Variants in NEMP2 observed in about 807,000 individuals in gnomAD.
NEMP2 encodes nuclear envelope integral membrane protein 2.
A neutral mutation model predicts 54.2 loss-of-function variants in NEMP2; 53 were observed. That is an observed-to-expected ratio of 0.98 (90% confidence interval 0.78 to 1.23). NEMP2 has a LOEUF of 1.23. Among genes scored for constraint, NEMP2 ranks in the 50% most tolerant of loss-of-function variants. NEMP2 has a pLI of 0.00. For synonymous variants in NEMP2, 197 were observed against 190.3 expected (o/e 1.04, Z -0.29); for missense variants, 455 against 511.3 (o/e 0.89, Z 1.06).
chr2:190,502,874 A>C (rs1313562251), downstream of NEMP2, among the ~76,000 whole-genome samples: 4 of 152,190 alleles, frequency 2.6e-5, no homozygotes, highest in Non-Finnish European at 5.9e-5. The surrounding 1 kb of genome is among the most constrained non-coding windows in gnomAD (Gnocchi z 4.4). Flanking sequence ...ATTTTAAACA[A>C]GAGAATTCTG....
At chr2:190,636,488 A>G in the NEMP2 span, among the ~76,000 whole-genome samples, 2 of 152,244 alleles carry the variant, frequency 1.3e-5, no homozygotes, top group African/African-American at 4.8e-5. Context: ...CCCTCTGATT[A>G]TACAGGGGCA....
chr2:190,537,286 C>T (rs572170616), upstream of NEMP2, among the ~76,000 whole-genome samples: 12 of 152,248 alleles, frequency 7.9e-5, no homozygotes, highest in South Asian at 2.1e-4. Context: ...GAATATAGGT[C>T]GATATGGTTT....
At chr2:190,538,329 A>G (rs1574330087), upstream of NEMP2, among the ~76,000 whole-genome samples, 1 of 152,154 alleles carries the variant, frequency 6.6e-6, no homozygotes, top group East Asian at 1.9e-4. The surrounding 1 kb of genome is among the most constrained non-coding windows in gnomAD (Gnocchi z 4.1). Context: ...GCTGAATAAT[A>G]TTCCATTGTG....
the NEMP2 span, among the ~76,000 whole-genome samples, chr2:190,498,927 A>G: frequency 6.6e-6 from 1 of 152,074 alleles, no homozygotes; most frequent in Non-Finnish European, 1.5e-5. The surrounding 1 kb of genome is among the most constrained non-coding windows in gnomAD (Gnocchi z 5.9). Context: ...AGGTGGGTGG[A>G]TCACGAGGTC....
chr2:190,569,957 G>T, the NEMP2 span, among the ~76,000 whole-genome samples: 2 of 152,158 alleles, frequency 1.3e-5, no homozygotes, highest in Non-Finnish European at 2.9e-5. Flanking sequence ...ACTCATTGTG[G>T]AATGCCATCA....
At chr2:190,453,718 C>G in the NEMP2 span, among the ~76,000 whole-genome samples, 3 of 152,210 alleles carry the variant, frequency 2.0e-5, no homozygotes, top group Non-Finnish European at 1.5e-5. Flanking sequence ...CCTAGACCCT[C>G]CATTTTCCCT....
At chr2:190,630,761 T>C in the NEMP2 span, among the ~76,000 whole-genome samples, 3 of 152,224 alleles carry the variant, frequency 2.0e-5, no homozygotes, top group African/African-American at 4.8e-5. The surrounding 1 kb of genome is among the most constrained non-coding windows in gnomAD (Gnocchi z 5.5). Flanking sequence ...ATGAAGTTTA[T>C]ATACTTTATT....
chr2:190,602,653 G>A, the NEMP2 span, among the ~76,000 whole-genome samples: 1 of 152,062 alleles, frequency 6.6e-6, no homozygotes, highest in African/African-American at 2.4e-5. Context: ...CTTCTTCCTC[G>A]GTGAAGGCTG....
chr2:190,488,827 G>A, the NEMP2 span: 2 of 1,531,906 alleles, frequency 1.3e-6, no homozygotes, highest in Non-Finnish European at 1.8e-6. This position sits in a 1 kb window ranked among gnomAD's most constrained non-coding sequence, Gnocchi z 6.4. Context: ...TGGTAAGAAT[G>A]GCTTTCTCCT....
the NEMP2 span, among the ~76,000 whole-genome samples, chr2:190,621,563 T>C: frequency 6.6e-6 from 1 of 151,856 alleles, no homozygotes; most frequent in Non-Finnish European, 1.5e-5. Flanking sequence ...ATATATTCAA[T>C]GCAATACATA....
At chr2:190,601,458 C>T in the NEMP2 span, among the ~76,000 whole-genome samples, 5 of 152,258 alleles carry the variant, frequency 3.3e-5, no homozygotes, top group African/African-American at 7.2e-5. The surrounding 1 kb of genome is among the most constrained non-coding windows in gnomAD (Gnocchi z 5.8). Flanking sequence ...GGCAGGCCTA[C>T]GTTGGTCTTG....
At chr2:190,500,283 C>T (rs953700452), downstream of NEMP2, 18 of 1,559,210 alleles carry the variant, frequency 1.2e-5, no homozygotes, top group African/African-American at 1.6e-4. The surrounding 1 kb of genome is among the most constrained non-coding windows in gnomAD (Gnocchi z 5.3). Context: ...CAGGGTGAGG[C>T]CCCCCAGCCA....
chr2:190,550,978 T>G, the NEMP2 span, among the ~76,000 whole-genome samples: 2 of 152,206 alleles, frequency 1.3e-5, no homozygotes, highest in African/African-American at 4.8e-5. This position sits in a 1 kb window ranked among gnomAD's most constrained non-coding sequence, Gnocchi z 4.7. Context: ...TAGTATGTTA[T>G]TCTGTTTTCT....
At chr2:190,622,804 G>C in the NEMP2 span, among the ~76,000 whole-genome samples, 1 of 151,818 alleles carries the variant, frequency 6.6e-6, no homozygotes, top group Admixed American at 6.6e-5. Context: ...AATGGCCAAA[G>C]AATTTTATTC....
Position 190,533,627 on chromosome 2 carries a change from A to C in NEMP2, c.97+932T>G, listed in dbSNP as rs4439990. 0.17 allele frequency among the ~76,000 whole-genome samples: 26,091 copies of C among 152,134 alleles called. 2,397 individuals are homozygous for C. The highest frequency in any genetic ancestry group is 0.3 in the East Asian group (1,576 of 5,178). The stretch of plus-strand genomic sequence containing the variant: ...TCCAGTCTCTCATTCATCCTTAGAT[A>C]AAAAACCGCGGTATAACCGGAGGGA... On this transcript the variant is annotated intron_variant, in intron 1 of 8. Transcript: ENST00000409150. The surrounding 1 kb of genome is among the most constrained non-coding windows in gnomAD (Gnocchi z 4.3).
the NEMP2 span, among the ~76,000 whole-genome samples, chr2:190,468,340 CT>C: frequency 6.6e-6 from 1 of 151,910 alleles, no homozygotes; most frequent in African/African-American, 2.4e-5. Context: ...TCTTTTTTGT[CT>C]TTTCTTCATC....
the NEMP2 span, chr2:190,469,795 T>A: frequency 1.2e-6 from 2 of 1,610,614 alleles, no homozygotes; most frequent in East Asian, 4.5e-5. The surrounding 1 kb of genome is among the most constrained non-coding windows in gnomAD (Gnocchi z 5.3). Context: ...TACGGCTCGC[T>A]ATATTTATAT....
chr2:190,496,378 C>G, the NEMP2 span, among the ~76,000 whole-genome samples: 1 of 152,128 alleles, frequency 6.6e-6, no homozygotes, highest in Non-Finnish European at 1.5e-5. The surrounding 1 kb of genome is among the most constrained non-coding windows in gnomAD (Gnocchi z 4.7). Context: ...TTCTACACTG[C>G]TGGTAGGAAT....
chr2:190,500,481 G>A, downstream of NEMP2: 1 of 446,458 alleles, frequency 2.2e-6, no homozygotes, highest in Non-Finnish European at 4.0e-6. The surrounding 1 kb of genome is among the most constrained non-coding windows in gnomAD (Gnocchi z 5.3). Context: ...GCTTGGTTAG[G>A]TTAAGGATGA....
Sources: allele counts gnomAD v4.1 joint callset (sites outside exome capture counted in the v4.1 genomes callset), GRCh38; gene constraint gnomAD v4.1.1; non-coding constraint Gnocchi (gnomAD v3.1); transcripts MANE v1.5; gene names NCBI Gene and HGNC (gene_info 2026-07-23, HGNC 2026-07-21).